Variants in WDR7 observed in about 807,000 individuals in gnomAD.
WDR7 encodes WD repeat domain 7.
A neutral mutation model predicts 169.4 loss-of-function variants in WDR7; 46 were observed. The observed-to-expected ratio is 0.27, with a 90% confidence interval of 0.21 to 0.35. WDR7 has a LOEUF of 0.35. WDR7 is among the 10% of genes least tolerant of loss of function. The pLI, the probability that WDR7 is intolerant of heterozygous loss-of-function variation, is 1.00. For missense variants in WDR7, 1,534 were observed against 1,859.3 expected (o/e 0.83, Z 3.22); for synonymous variants, 612 against 666.8 (o/e 0.92, Z 1.27).
intron 3 of WDR7, among the ~76,000 whole-genome samples, 164 bp from the exon 4 acceptor site, chr18:56,681,149 G>A (rs1243453810): frequency 1.3e-5 from 2 of 152,160 alleles, no homozygotes; most frequent in Admixed American, 6.5e-5. Flanking sequence ...TGTTAGGAGG[G>A]TCGAGGGAGG....
At chr18:56,792,049 G>A (rs77153076) in intron 19 of WDR7, among the ~76,000 whole-genome samples, 1,584 of 151,668 alleles carry the variant, frequency 0.01, 16 homozygotes, top group Non-Finnish European at 0.014. Context: ...ATAGGGCCTC[G>A]CTCTGTCACG....
chr18:56,921,508 A>G (rs1247518570), intron 21 of WDR7, among the ~76,000 whole-genome samples: 1 of 152,186 alleles, frequency 6.6e-6, no homozygotes, highest in Non-Finnish European at 1.5e-5. Context: ...GTTGAGTGAA[A>G]TAGAACATGA....
At chr18:56,880,212 A>G in intron 21 of WDR7, 47 bp downstream of exon 21, 2 of 1,547,782 alleles carry the variant, frequency 1.3e-6, no homozygotes, top group Non-Finnish European at 1.8e-6. Flanking sequence ...CTGAATACAT[A>G]TTATTTGTCA....
intron 26 of WDR7, among the ~76,000 whole-genome samples, chr18:56,998,682 T>C (rs1001444531): frequency 6.6e-6 from 1 of 152,198 alleles, no homozygotes; most frequent in African/African-American, 2.4e-5. Context: ...TTGTAAAATG[T>C]CATTATACAA....
intron 26 of WDR7, among the ~76,000 whole-genome samples, chr18:56,989,879 G>C (rs2047785144): frequency 6.6e-6 from 1 of 152,012 alleles, no homozygotes; most frequent in African/African-American, 2.4e-5. Context: ...GGCTGAGTTT[G>C]TTCATTCTTA....
chr18:56,989,438 A>G (rs1196844806), intron 26 of WDR7, among the ~76,000 whole-genome samples: 2 of 152,182 alleles, frequency 1.3e-5, no homozygotes, highest in African/African-American at 4.8e-5. Flanking sequence ...TGATGTTCAA[A>G]TAAGAACTGG....
chr18:56,657,935 T>C (rs948420274), intron 1 of WDR7, among the ~76,000 whole-genome samples: 2 of 150,064 alleles, frequency 1.3e-5, no homozygotes, highest in African/African-American at 4.9e-5. Context: ...TTACAGGGGT[T>C]TTTTTTTTTG....
chr18:56,766,425 A>C (rs1448506610), intron 16 of WDR7, among the ~76,000 whole-genome samples: 1 of 151,652 alleles, frequency 6.6e-6, no homozygotes, highest in Admixed American at 6.6e-5. Context: ...GTGCTCTTTT[A>C]TTTCGGGATT....
At chr18:56,755,335 T>C (rs540137683) in intron 14 of WDR7, among the ~76,000 whole-genome samples, 4 of 152,336 alleles carry the variant, frequency 2.6e-5, no homozygotes, top group Non-Finnish European at 4.4e-5. Context: ...TGTCTATTTT[T>C]CTTAATAATT....
chr18:56,789,634 T>C (rs2044454757), intron 19 of WDR7, among the ~76,000 whole-genome samples: 1 of 152,242 alleles, frequency 6.6e-6, no homozygotes, highest in African/African-American at 2.4e-5. Context: ...TCATCCCACT[T>C]AGGCCCCTGA....
intron 1 of WDR7, among the ~76,000 whole-genome samples, chr18:56,669,415 A>T (rs2025087502): frequency 1.3e-5 from 2 of 152,148 alleles, no homozygotes; most frequent in South Asian, 4.1e-4. Context: ...AGAATCTAGA[A>T]TTACTGATAT....
At chr18:56,667,557 T>C (rs2144497062) in intron 1 of WDR7, among the ~76,000 whole-genome samples, 1 of 152,342 alleles carries the variant, frequency 6.6e-6, no homozygotes, top group East Asian at 1.9e-4. Flanking sequence ...TAAATTATGG[T>C]TAAGCATAGA....
At position 56,757,018 on chromosome 18, in the gene WDR7, G is replaced by A. The variant is rs573385149; in HGVS notation, c.2425G>A (p.Ala809Thr). 6 of 1,614,082 alleles carry A rather than the reference G, an allele frequency of 3.7e-6. No individual in the cohort carries two copies. Among genetic ancestry groups the A allele is most frequent in the South Asian group, 1.1e-5 (1 of 91,080 alleles). Residue 809 changes from alanine to threonine, a missense_variant, in exon 15 of 28, where the codon GCC becomes ACC. Transcript: ENST00000254442. Reference sequence around the variant, plus strand: ...AAAGCTGTTTATGTCCTGCCTTCACGCCTGGGGTTTGAATGAAGTACTGGA... The same window carrying A: ...AAAGCTGTTTATGTCCTGCCTTCACACCTGGGGTTTGAATGAAGTACTGGA... ...TAKLFMSCLHAWGLNEVLDEV... is the reference protein window; with the variant it reads ...TAKLFMSCLHTWGLNEVLDEV...
chr18:56,854,744 T>C lies in WDR7; in HGVS notation c.3305-25200T>C, dbSNP rs573770069. Among the ~76,000 whole-genome samples, 3 of 151,890 alleles carry C rather than the reference T, an allele frequency of 2.0e-5. No individual in the cohort carries two copies. In the South Asian group the frequency reaches 6.2e-4, roughly 32 times the overall value. ...ATGACCTACAATTAGACAAAGTAGGTGAGGGAATTTTTTCATGACCAGCTC... is the reference window on the plus strand; with the variant it reads ...ATGACCTACAATTAGACAAAGTAGGCGAGGGAATTTTTTCATGACCAGCTC... On this transcript the variant is annotated intron_variant, in intron 20 of 27. Coordinates refer to ENST00000254442, the MANE Select transcript of WDR7 (RefSeq NM_015285.3).
intron 19 of WDR7, among the ~76,000 whole-genome samples, chr18:56,813,701 A>G (rs1454614136): frequency 1.3e-5 from 2 of 151,980 alleles, no homozygotes; most frequent in African/African-American, 4.8e-5. Flanking sequence ...TCTGGAGACT[A>G]TCTTTATGAG....
intron 19 of WDR7, among the ~76,000 whole-genome samples, chr18:56,787,334 C>T (rs1170695629): frequency 6.6e-6 from 1 of 152,124 alleles, no homozygotes; most frequent in African/African-American, 2.4e-5. Flanking sequence ...GGGCTCATCT[C>T]CTCTTTTAGT....
At chr18:56,860,709 T>G (rs1394154603) in intron 20 of WDR7, among the ~76,000 whole-genome samples, 1 of 152,184 alleles carries the variant, frequency 6.6e-6, no homozygotes, top group Non-Finnish European at 1.5e-5. Context: ...TAAAAAAATG[T>G]CTTTATTAAA....
chr18:56,754,514 G>A (rs2144928707), intron 14 of WDR7, among the ~76,000 whole-genome samples: 1 of 151,554 alleles, frequency 6.6e-6, no homozygotes, highest in East Asian at 1.9e-4. Flanking sequence ...TGTGAAATTG[G>A]AACCATAACT....
chr18:56,731,432 C>G lies in WDR7; in HGVS notation c.1824C>G (p.Asn608Lys). The G allele has an allele frequency of 1.2e-6, 2 of 1,614,136 alleles. No individual in the cohort carries two copies. Among genetic ancestry groups the G allele is most frequent in the Non-Finnish European group, 8.5e-7 (1 of 1,180,020 alleles). Residue 608 changes from asparagine (N) to lysine (K), a missense_variant, in exon 14 of 28, where the codon AAC becomes AAG. Coordinates refer to ENST00000254442, the MANE Select transcript of WDR7 (RefSeq NM_015285.3). ...VMGITAVEIL[N>K]ACDEAVPAAV... is the part of the protein sequence containing the mutation. ...GGATAACAGCAGTTGAGATTCTAAA[C>G]GCTTGTGATGAAGCTGTTCCTGCTG...
Sources: allele counts gnomAD v4.1 joint callset (sites outside exome capture counted in the v4.1 genomes callset), GRCh38; gene constraint gnomAD v4.1.1; transcripts MANE v1.5; gene names NCBI Gene and HGNC (gene_info 2026-07-23, HGNC 2026-07-21).